The following IRF2 variants were observed in gnomAD, a reference collection of about 807,000 sequenced individuals.
The protein encoded by IRF2 is interferon regulatory factor 2.
Under a neutral mutation model 40.6 loss-of-function variants are expected in IRF2, and 15 were observed. The observed-to-expected ratio is 0.37, with a 90% CI of 0.25 to 0.57. IRF2 has a LOEUF of 0.57. IRF2 is among the 20% of genes least tolerant of loss of function. The pLI is 0.77. For missense variants in IRF2, 317 were observed against 455.7 expected (o/e 0.70, Z 2.77); for synonymous variants, 151 against 165.5 (o/e 0.91, Z 0.67).
intron 1 of IRF2, among the ~76,000 whole-genome samples, chr4:184,450,730 G>A (rs1223269749): frequency 6.6e-6 from 1 of 152,102 alleles, no homozygotes; most frequent in African/African-American, 2.4e-5. Flanking sequence ...GTTCCTTTAT[G>A]ATGGCATTTG....
intron 7 of IRF2, among the ~76,000 whole-genome samples, chr4:184,391,823 C>T (rs1333689562): frequency 6.6e-6 from 1 of 152,230 alleles, no homozygotes; most frequent in Admixed American, 6.5e-5. Flanking sequence ...AGCTGTGAGA[C>T]ACTGGGCAAG....
chr4:184,451,216 G>A lies in IRF2; in HGVS notation c.-6-22146C>T, dbSNP rs188635561. Among the ~76,000 whole-genome samples, 7 of 152,314 alleles carry A rather than the reference G, an allele frequency of 4.6e-5. No homozygotes were observed. In the East Asian group the frequency reaches 1.3e-3, roughly 29 times the overall value. On this transcript the variant is annotated intron_variant, in intron 1 of 8. Transcript: ENST00000393593. The stretch of plus-strand genomic sequence containing the variant: ...AACTCTAAAGGTAAAGAGGGTCAAG[G>A]TGAAGGGGCCCCAGAGACCTTCCTA...
At chr4:184,420,774 A>G (rs776904950) in intron 2 of IRF2, among the ~76,000 whole-genome samples, 2 of 152,176 alleles carry the variant, frequency 1.3e-5, no homozygotes, top group Non-Finnish European at 2.9e-5. Flanking sequence ...TCTTCCTCCC[A>G]CAGCCTACTG....
chr4:184,416,544 A>G (rs1434205908), intron 5 of IRF2, among the ~76,000 whole-genome samples: 2 of 152,186 alleles, frequency 1.3e-5, no homozygotes, highest in Non-Finnish European at 2.9e-5. Flanking sequence ...CATGTATGAA[A>G]CAACTGAAAC....
chr4:184,472,111 C>T (rs1455783759), intron 1 of IRF2: 2 of 152,204 alleles, frequency 1.3e-5, no homozygotes, highest in African/African-American at 4.8e-5. Context: ...TTCCAACGTT[C>T]CCCCTAGAGA....
chr4:184,442,256 C>T (rs760311289), intron 1 of IRF2, among the ~76,000 whole-genome samples: 22 of 152,268 alleles, frequency 1.4e-4, no homozygotes, highest in Non-Finnish European at 2.9e-4. Flanking sequence ...TTTTGTAGTC[C>T]GGACTAGGAA....
At chr4:184,468,431 G>A (rs1739405738) in intron 1 of IRF2, among the ~76,000 whole-genome samples, 2 of 150,282 alleles carry the variant, frequency 1.3e-5, no homozygotes, top group African/African-American at 4.9e-5. Flanking sequence ...AGGTTGCAGT[G>A]AGCCGAGATC....
chr4:184,443,283 T>C (rs2149909961), intron 1 of IRF2, among the ~76,000 whole-genome samples: 1 of 152,326 alleles, frequency 6.6e-6, no homozygotes, highest in South Asian at 2.1e-4. Context: ...GCAATGATAC[T>C]GGGGTTTGGG....
intron 1 of IRF2, among the ~76,000 whole-genome samples, chr4:184,436,344 C>A (rs556921520): frequency 1.3e-5 from 2 of 152,162 alleles, no homozygotes; most frequent in East Asian, 3.8e-4. Flanking sequence ...CACATTGTTA[C>A]AAGGAACTGT....
intron 1 of IRF2, among the ~76,000 whole-genome samples, chr4:184,432,684 G>C (rs1737930649): frequency 6.6e-6 from 1 of 152,226 alleles, no homozygotes. Flanking sequence ...GTCCTTATAA[G>C]AAGAGGGAAG....
Position 184,430,444 on chromosome 4 carries a change from C to T in IRF2, c.-6-1374G>A, listed in dbSNP as rs117906286. Among the ~76,000 whole-genome samples the T allele has an allele frequency of 1.4e-3, 213 of 152,258 alleles. 6 individuals are homozygous for T. In the East Asian group the frequency reaches 0.034, roughly 25 times the overall value. ...TTCCCTGGCCTTGCAGGTCCTTATCCGCCCTCTAAGACCTAGCCTCCTCCT... is the reference window on the plus strand; with the variant it reads ...TTCCCTGGCCTTGCAGGTCCTTATCTGCCCTCTAAGACCTAGCCTCCTCCT... On this transcript the variant is annotated intron_variant, in intron 1 of 8. Transcript: ENST00000393593.
chr4:184,442,027 G>C (rs1738331463), intron 1 of IRF2, among the ~76,000 whole-genome samples: 1 of 152,112 alleles, frequency 6.6e-6, no homozygotes, highest in South Asian at 2.1e-4. Context: ...ATCTGCACTG[G>C]GAGCCTGTGT....
At chr4:184,427,932 ACT>A (rs1219200169) in intron 2 of IRF2, among the ~76,000 whole-genome samples, 7 of 152,128 alleles carry the variant, frequency 4.6e-5, no homozygotes, top group African/African-American at 1.7e-4. Flanking sequence ...AAAGGCATTG[ACT>A]CAGAACTGTT....
At chr4:184,438,933 C>T (rs1208907695) in intron 1 of IRF2, among the ~76,000 whole-genome samples, 3 of 152,214 alleles carry the variant, frequency 2.0e-5, no homozygotes, top group Non-Finnish European at 4.4e-5. Flanking sequence ...TCTCCAGACT[C>T]TCATGGGACC....
At chr4:184,457,728 C>T (rs1738995303) in intron 1 of IRF2, among the ~76,000 whole-genome samples, 1 of 152,198 alleles carries the variant, frequency 6.6e-6, no homozygotes, top group South Asian at 2.1e-4. Flanking sequence ...AATGCACACG[C>T]CTCAGAGCTC....
chr4:184,446,057 G>A (rs1032900516), intron 1 of IRF2, among the ~76,000 whole-genome samples: 1 of 152,180 alleles, frequency 6.6e-6, no homozygotes, highest in Non-Finnish European at 1.5e-5. Flanking sequence ...TCCTCCATAA[G>A]CCAAAGAAAG....
intron 8 of IRF2, among the ~76,000 whole-genome samples, chr4:184,390,336 G>A (rs531105339): frequency 5.9e-5 from 9 of 152,324 alleles, no homozygotes; most frequent in South Asian, 2.1e-4. Context: ...ATTTTGTGAC[G>A]TGTACTGGTC....
chr4:184,388,206 CGGGATGGGAT>C lies in IRF2; in HGVS notation c.*542_*551del, dbSNP rs148973928. 205 of 146,486 alleles carry C rather than the reference CGGGATGGGAT, an allele frequency of 1.4e-3. No homozygotes were observed. Among genetic ancestry groups the C allele is most frequent in the South Asian group, 7.3e-3 (33 of 4,532 alleles). The allele number at this position is 146,486 out of a possible 1,614,324, so 9.1% of individuals were successfully genotyped here. ...GAGGGAAGGAAAAGTAGGAAAAGAG[CGGGATGGGAT>C]GGGATGGGATGGGATGGGATGGGAT... is the stretch of plus-strand genomic sequence containing the variant. On this transcript the variant is annotated 3_prime_UTR_variant, in exon 9 of 9. Transcript: ENST00000393593. The surrounding 1 kb of genome is among the most constrained non-coding windows in gnomAD (Gnocchi z 4.6).
intron 1 of IRF2, among the ~76,000 whole-genome samples, chr4:184,452,992 C>T (rs1348347652): frequency 6.6e-6 from 1 of 151,946 alleles, no homozygotes; most frequent in African/African-American, 2.4e-5. Context: ...TCTAGGAATG[C>T]TTCCCAAGTA....
Sources: gnomAD v4.1 joint callset for allele counts (sites outside exome capture counted in the v4.1 genomes callset) on GRCh38, gnomAD v4.1.1 for gene constraint, Gnocchi (gnomAD v3.1) non-coding constraint, MANE v1.5 for transcripts, NCBI Gene and HGNC (gene_info 2026-07-23, HGNC 2026-07-21) for gene names.